The following CCSER1 variants were observed in gnomAD, a reference collection of about 807,000 sequenced individuals.
CCSER1 encodes the protein serine-rich coiled-coil domain-containing protein 1.
CCSER1 carries 41 observed loss-of-function variants against 82.0 expected under a neutral mutation model. The observed-to-expected ratio is 0.50, with a 90% CI of 0.39 to 0.65. CCSER1 has a LOEUF of 0.65. CCSER1 is among the 30% of genes least tolerant of loss of function. The pLI is 0.00. For synonymous variants in CCSER1, 414 were observed against 383.9 expected (o/e 1.08, Z -0.92); for missense variants, 1,119 against 1,064.2 (o/e 1.05, Z -0.72).
At chr4:90,193,172 G>A (rs1239208350) in intron 1 of CCSER1, among the ~76,000 whole-genome samples, 9 of 151,976 alleles carry the variant, frequency 5.9e-5, no homozygotes. Flanking sequence ...AAATAATTTT[G>A]AACCATTAGA....
chr4:90,860,919 T>C (rs1765010281), intron 8 of CCSER1, among the ~76,000 whole-genome samples: 1 of 151,386 alleles, frequency 6.6e-6, no homozygotes. Flanking sequence ...TGAGGAAAAA[T>C]GTTCTGGAAT....
chr4:90,387,206 T>A (rs1311685386), intron 3 of CCSER1, among the ~76,000 whole-genome samples: 1 of 152,168 alleles, frequency 6.6e-6, no homozygotes, highest in Admixed American at 6.6e-5. Context: ...AAATATTTGT[T>A]TTTATTTTTC....
At chr4:90,645,221 G>A (rs1727341379) in intron 6 of CCSER1, among the ~76,000 whole-genome samples, 1 of 152,120 alleles carries the variant, frequency 6.6e-6, no homozygotes, top group Admixed American at 6.5e-5. Flanking sequence ...TAGGATATCA[G>A]TGAATTATAA....
chr4:90,463,236 G>C (rs1003690334), intron 4 of CCSER1, among the ~76,000 whole-genome samples: 4 of 152,148 alleles, frequency 2.6e-5, no homozygotes, highest in Non-Finnish European at 5.9e-5. Context: ...GAATCCAGAT[G>C]TAGGGATATT....
At chr4:90,289,125 G>T (rs1424012880) in intron 1 of CCSER1, among the ~76,000 whole-genome samples, 2 of 151,900 alleles carry the variant, frequency 1.3e-5, no homozygotes, top group African/African-American at 2.4e-5. Flanking sequence ...TTCTGAAGAA[G>T]AATTTTGACT....
In CCSER1 at chr4:90,753,797, C is replaced by T. The variant is rs147501675; in HGVS notation, c.2010+29806C>T. Reference sequence around the variant, plus strand: ...GCTTTCTAAGGCCTTACATGTTCTACCCCATGGCAGCTTTTCCAATCTCAT... The same window carrying T: ...GCTTTCTAAGGCCTTACATGTTCTATCCCATGGCAGCTTTTCCAATCTCAT... On this transcript the variant is annotated intron_variant, in intron 7 of 10. Transcript: ENST00000509176. Among the ~76,000 whole-genome samples, 372 of 152,238 alleles carry T rather than the reference C, an allele frequency of 2.4e-3. 1 individual carries two copies. Among genetic ancestry groups the T allele is most frequent in the African/African-American group, 8.3e-3 (343 of 41,550 alleles).
At chr4:90,186,189 A>T (rs1217519477) in intron 1 of CCSER1, among the ~76,000 whole-genome samples, 1 of 151,962 alleles carries the variant, frequency 6.6e-6, no homozygotes, top group Non-Finnish European at 1.5e-5. Flanking sequence ...AAGAGTTAAG[A>T]GACTTGCTCT....
intron 9 of CCSER1, among the ~76,000 whole-genome samples, chr4:90,989,721 G>A (rs567009118): frequency 5.9e-5 from 9 of 151,782 alleles, no homozygotes; most frequent in Non-Finnish European, 1.3e-4. Flanking sequence ...TTTGATCTTT[G>A]GGTTAGAGCT....
intron 3 of CCSER1, among the ~76,000 whole-genome samples, chr4:90,360,453 A>C (rs1015363218): frequency 6.7e-6 from 1 of 149,506 alleles, no homozygotes; most frequent in African/African-American, 2.4e-5. Context: ...GAGGCAGGAG[A>C]ATGGGGAGAC....
chr4:90,881,898 G>T (rs1443964422), intron 8 of CCSER1, among the ~76,000 whole-genome samples: 2 of 150,750 alleles, frequency 1.3e-5, no homozygotes, highest in Non-Finnish European at 3.0e-5. Context: ...CAGCTGAACT[G>T]CAGGAGAAGC....
chr4:90,185,774 T>TCAATTGTCAATTGTCAATTTTAA (rs1164961736), intron 1 of CCSER1, among the ~76,000 whole-genome samples: 2 of 139,434 alleles, frequency 1.4e-5, no homozygotes, highest in African/African-American at 4.9e-5. Context: ...ATTGAATATG[T>TCAATTGTCAATTGTCAATTTTAA]AATTAAATTT....
chr4:90,739,010 C>G (rs1181761732), intron 7 of CCSER1, among the ~76,000 whole-genome samples: 1 of 151,976 alleles, frequency 6.6e-6, no homozygotes, highest in Non-Finnish European at 1.5e-5. Flanking sequence ...CCATTTTTTC[C>G]TTCCTCTCTT....
chr4:91,579,604 T>C (rs1484152217), intron 10 of CCSER1, among the ~76,000 whole-genome samples: 2 of 151,934 alleles, frequency 1.3e-5, no homozygotes, highest in East Asian at 3.9e-4. Flanking sequence ...TGAGTAAAAC[T>C]ATTCTGTGGT....
intron 10 of CCSER1, among the ~76,000 whole-genome samples, chr4:91,269,556 A>C (rs2149179808): frequency 6.6e-6 from 1 of 152,318 alleles, no homozygotes; most frequent in South Asian, 2.1e-4. Flanking sequence ...ATTATTTAAA[A>C]TTTTATCATT....
At chr4:90,762,908 CAGAG>C (rs1364525978) in intron 7 of CCSER1, among the ~76,000 whole-genome samples, 1 of 151,864 alleles carries the variant, frequency 6.6e-6, no homozygotes, top group African/African-American at 2.4e-5. Flanking sequence ...AAGAGAGAGA[CAGAG>C]AGAGATTTGA....
chr4:91,559,967 T>C (rs1004943259), intron 10 of CCSER1, among the ~76,000 whole-genome samples: 1 of 151,404 alleles, frequency 6.6e-6, no homozygotes, highest in Non-Finnish European at 1.5e-5. Context: ...AAATCAAATT[T>C]TGACAATATT....
chr4:91,381,429 C>T (rs552829204), intron 10 of CCSER1, among the ~76,000 whole-genome samples: 134 of 152,064 alleles, frequency 8.8e-4, no homozygotes, highest in Non-Finnish European at 1.5e-3. Flanking sequence ...CATATTTCTT[C>T]GAGGCTTTGT....
chr4:90,304,072 G>T (rs1733734030), intron 1 of CCSER1, among the ~76,000 whole-genome samples: 2 of 152,170 alleles, frequency 1.3e-5, no homozygotes, highest in Non-Finnish European at 2.9e-5. Context: ...GGCCATCAGA[G>T]AAATGCAAAT....
chr4:90,619,539 G>T (rs2148869431), intron 5 of CCSER1, among the ~76,000 whole-genome samples: 1 of 152,038 alleles, frequency 6.6e-6, no homozygotes, highest in East Asian at 1.9e-4. Flanking sequence ...TAAATATTAG[G>T]GGGCAGTAAA....
Sources: allele counts gnomAD v4.1 joint callset (sites outside exome capture counted in the v4.1 genomes callset), GRCh38; gene constraint gnomAD v4.1.1; transcripts MANE v1.5; gene names NCBI Gene and HGNC (gene_info 2026-07-23, HGNC 2026-07-21).